RBFOX1: variants seen among roughly 807,000 people sequenced by gnomAD.
RBFOX1 encodes the protein RNA binding protein fox-1 homolog 1.
In RBFOX1, 8 loss-of-function variants were observed where a neutral mutation model predicts 57.7. The ratio of observed to expected loss-of-function variants is 0.14; its 90% CI spans 0.08 to 0.25. The LOEUF is 0.25. Among genes scored for constraint, RBFOX1 ranks in the 10% least tolerant of loss-of-function variants. The pLI, the probability that RBFOX1 is intolerant of heterozygous loss-of-function variation, is 1.00. For missense variants in RBFOX1, 611 were observed against 548.5 expected (o/e 1.11, Z -1.14); for synonymous variants, 326 against 222.4 (o/e 1.47, Z -4.15).
chr16:7,694,002 G>A (rs1373317564), intron 14 of RBFOX1, among the ~76,000 whole-genome samples: 6 of 152,134 alleles, frequency 3.9e-5, no homozygotes, highest in South Asian at 2.1e-4. Context: ...TGCATGATAC[G>A]TCCATCAAAA....
At chr16:5,715,042 G>T (rs756714705) in intron 3 of RBFOX1, among the ~76,000 whole-genome samples, 10 of 152,208 alleles carry the variant, frequency 6.6e-5, no homozygotes, top group Middle Eastern at 3.2e-3. Flanking sequence ...TAAATGAGAA[G>T]GATAACTTTT....
intron 14 of RBFOX1, among the ~76,000 whole-genome samples, chr16:7,677,883 C>T (rs989505344): frequency 2.6e-5 from 4 of 152,172 alleles, no homozygotes; most frequent in African/African-American, 4.8e-5. Flanking sequence ...GGTCCTCCTA[C>T]CTGGCCTGTT....
At chr16:5,763,985 A>G (rs2053681632) in intron 3 of RBFOX1, among the ~76,000 whole-genome samples, 1 of 152,134 alleles carries the variant, frequency 6.6e-6, no homozygotes, top group Non-Finnish European at 1.5e-5. Flanking sequence ...GCTAGAACAC[A>G]TGCACCTCAA....
At chr16:6,727,169 C>G (rs954355283) in intron 3 of RBFOX1, among the ~76,000 whole-genome samples, 3 of 150,852 alleles carry the variant, frequency 2.0e-5, no homozygotes, top group African/African-American at 7.3e-5. Flanking sequence ...GTCGCAATTC[C>G]ATAGAAAGAA....
intron 4 of RBFOX1, among the ~76,000 whole-genome samples, chr16:7,468,784 C>T (rs1281218462): frequency 3.9e-5 from 6 of 152,112 alleles, no homozygotes; most frequent in Non-Finnish European, 7.3e-5. Context: ...CTTGTTTCTC[C>T]AAGCATCAAG....
intron 2 of RBFOX1, among the ~76,000 whole-genome samples, chr16:6,582,880 G>C (rs773014920): frequency 4.0e-4 from 59 of 146,882 alleles, no homozygotes; most frequent in Non-Finnish European, 8.3e-4. Context: ...GTTCCAGCTG[G>C]TTTTCTAAGC....
intron 2 of RBFOX1, among the ~76,000 whole-genome samples, chr16:6,474,772 T>C (rs6500787): frequency 0.45 from 68,748 of 152,028 alleles, 16,811 homozygotes; most frequent in East Asian, 0.65. Flanking sequence ...GCTTCTAGAA[T>C]TCTGGTTCCT....
intron 1 of RBFOX1, among the ~76,000 whole-genome samples, chr16:6,253,338 C>A (rs765609341): frequency 1.1e-4 from 17 of 152,146 alleles, no homozygotes; most frequent in Non-Finnish European, 2.1e-4. Context: ...TGACGTTGCA[C>A]CTACTTTGAC....
At chr16:6,766,211 G>T (rs1220202176) in intron 3 of RBFOX1, among the ~76,000 whole-genome samples, 1 of 152,100 alleles carries the variant, frequency 6.6e-6, no homozygotes, top group East Asian at 1.9e-4. Flanking sequence ...GAGCCCTTCA[G>T]TCCAACCAGA....
At chr16:6,828,239 T>A (rs1331180322) in intron 3 of RBFOX1, among the ~76,000 whole-genome samples, 1 of 151,892 alleles carries the variant, frequency 6.6e-6, no homozygotes, top group Non-Finnish European at 1.5e-5. Context: ...ATAGTAAAAA[T>A]TTCAGGCCAG....
In RBFOX1 at chr16:5,658,690, C is replaced by T. The variant is rs1277601768; in HGVS notation, c.318+59729C>T. Among the ~76,000 whole-genome samples the T allele has an allele frequency of 4.6e-5, 7 of 150,734 alleles. No individual in the cohort carries two copies. The Admixed American group carries it at 4.6e-4, about 10-fold the overall frequency. ...TTGCTGTGAATGCCATTAATTCATG[C>T]CTTTTCATGGCTGAGTAGTATTCCA... On this transcript the variant is annotated intron_variant, in intron 3 of 19. Coordinates refer to the RBFOX1 transcript ENST00000641259.
chr16:6,436,810 G>A (rs950926085), intron 2 of RBFOX1, among the ~76,000 whole-genome samples: 4 of 152,014 alleles, frequency 2.6e-5, no homozygotes, highest in Non-Finnish European at 4.4e-5. Flanking sequence ...AATGGTACAC[G>A]TATATTGAAT....
intron 2 of RBFOX1, among the ~76,000 whole-genome samples, chr16:6,430,967 G>C (rs1044526580): frequency 3.3e-5 from 3 of 90,508 alleles, no homozygotes; most frequent in African/African-American, 1.3e-4. Context: ...CTCATCTCCA[G>C]AAAAAAAAAA....
intron 2 of RBFOX1, among the ~76,000 whole-genome samples, chr16:6,463,883 C>A (rs2094978595): frequency 6.6e-6 from 1 of 152,050 alleles, no homozygotes; most frequent in African/African-American, 2.4e-5. Flanking sequence ...CCACCATGAC[C>A]TAGGAGGTGT....
At chr16:6,883,794 G>T (rs1270897156) in intron 3 of RBFOX1, among the ~76,000 whole-genome samples, 3 of 147,858 alleles carry the variant, frequency 2.0e-5, no homozygotes, top group African/African-American at 7.4e-5. Context: ...TAGTGAAGAG[G>T]TTTTTTTTTT....
At position 5,876,127 on chromosome 16, in the gene RBFOX1, A is replaced by G. The variant is rs867303369; in HGVS notation, c.351+8792A>G. Among the ~76,000 whole-genome samples the G allele has an allele frequency of 3.3e-5, 5 of 152,124 alleles. No individual in the cohort carries two copies. In the South Asian group the frequency reaches 1.0e-3, roughly 32 times the overall value. ...CAAAGTGCTGGGATTACAGGTGTGA[A>G]CCACCGCGCCCGGCCTATCCCACAA... On this transcript the variant is annotated intron_variant, in intron 4 of 19. Coordinates refer to the RBFOX1 transcript ENST00000641259.
At chr16:6,186,769 G>C (rs1325513591) in intron 1 of RBFOX1, among the ~76,000 whole-genome samples, 1 of 152,200 alleles carries the variant, frequency 6.6e-6, no homozygotes, top group Admixed American at 6.5e-5. Context: ...TGGCAACATT[G>C]GTGCCAATGG....
intron 4 of RBFOX1, among the ~76,000 whole-genome samples, chr16:7,460,753 A>G (rs987119569): frequency 6.6e-6 from 1 of 152,092 alleles, no homozygotes; most frequent in Non-Finnish European, 1.5e-5. Flanking sequence ...TGAATGAATG[A>G]ATAGATAAAT....
rs563055676 is a variant in RBFOX1 at position 6,295,099 on chromosome 16, GTTTT to G, written c.-126-21872_-126-21869del. 1.5e-3 allele frequency among the ~76,000 whole-genome samples: 140 copies of G among 95,996 alleles called. 1 individual carries two copies. Among genetic ancestry groups the G allele is most frequent in the African/African-American group, 5.5e-3 (128 of 23,448 alleles). 63.0% of individuals were successfully genotyped at this position (95,996 alleles called of 152,430 possible). A position where few individuals can be genotyped will look rare whatever the true frequency, so the allele number is the denominator to read the frequency against. Reference sequence around the variant, plus strand: ...CTGGCAAAGAGCTCTTAAGCAGTGAGTTTTTTTTTTTTTTTTTTTTTTTTTTTGA... The same window carrying G: ...CTGGCAAAGAGCTCTTAAGCAGTGAGTTTTTTTTTTTTTTTTTTTTTTTGA... On this transcript the variant is annotated intron_variant, in intron 1 of 15. Transcript: ENST00000550418.
Sources: allele counts gnomAD v4.1 joint callset (sites outside exome capture counted in the v4.1 genomes callset), GRCh38; gene constraint gnomAD v4.1.1; transcripts MANE v1.5; gene names NCBI Gene and HGNC (gene_info 2026-07-23, HGNC 2026-07-21).